Variants in MYOM2 observed in about 807,000 individuals in gnomAD.
MYOM2 encodes the protein myomesin-2.
In MYOM2, 254 loss-of-function variants were observed where a neutral mutation model predicts 187.6. That is an observed-to-expected ratio of 1.35 (90% CI 1.22 to 1.50). MYOM2 has a LOEUF of 1.50. MYOM2 is among the 40% of genes most tolerant of loss of function. MYOM2 has a pLI of 0.00. For synonymous variants in MYOM2, 981 were observed against 753.8 expected (o/e 1.30, Z -4.94); for missense variants, 2,796 against 1,924.0 (o/e 1.45, Z -8.48).
intron 3 of MYOM2, among the ~76,000 whole-genome samples, chr8:2,056,586 T>C (rs4875925): frequency 0.77 from 116,599 of 152,072 alleles, 45,136 homozygotes; most frequent in East Asian, 0.97. Flanking sequence ...TTATTTTTAG[T>C]ATTCAGACAT....
At chr8:2,131,887 C>T (rs907352367) in intron 32 of MYOM2, among the ~76,000 whole-genome samples, 1 of 152,128 alleles carries the variant, frequency 6.6e-6, no homozygotes, top group South Asian at 2.1e-4. Context: ...TCGTGATCCA[C>T]CCACCTGGGC....
chr8:2,125,674 C>T (rs1331676406), intron 31 of MYOM2, among the ~76,000 whole-genome samples: 1 of 120,632 alleles, frequency 8.3e-6, no homozygotes, highest in Non-Finnish European at 1.6e-5. Flanking sequence ...GTGGGTGAAT[C>T]TCGGCTCACT....
At chr8:2,143,511 A>G in intron 36 of MYOM2, 55 bp downstream of exon 36, 1 of 1,603,900 alleles carries the variant, frequency 6.2e-7, no homozygotes, top group Non-Finnish European at 8.5e-7. Context: ...CGATGGACGC[A>G]ACCCCTTCTC....
At position 2,106,376 on chromosome 8, in the gene MYOM2, A is replaced by G. The variant is rs773849428; in HGVS notation, c.2869A>G (p.Lys957Glu). The G allele has an allele frequency of 5.0e-6, 8 of 1,614,012 alleles. No homozygotes were observed. In the African/African-American group the frequency reaches 1.1e-4, roughly 22 times the overall value. ...YEEISDDERF[K>E]IETVGDHSKL... is the part of the protein sequence containing the mutation. ...GGAGATTTCAGATGATGAGAGGTTT[A>G]AAATTGAAACCGTGGGGGATCAGTA... is the stretch of plus-strand genomic sequence containing the variant. The change falls in exon 22 of 37, where the codon AAA (lysine) becomes GAA (glutamate). Residue 957 changes from lysine (K) to glutamate (E), a missense_variant. Transcript: ENST00000262113.
intron 27 of MYOM2, among the ~76,000 whole-genome samples, chr8:2,117,200 T>C (rs1196353465): frequency 2.0e-5 from 3 of 152,268 alleles, no homozygotes; most frequent in African/African-American, 7.2e-5. Flanking sequence ...ATATTTTACT[T>C]ACTTCTACAT....
rs368565089 is a variant in MYOM2 at position 2,072,488 on chromosome 8, C to T, written c.937C>T (p.Arg313Cys). Residue 313 changes from arginine (R) to cysteine (C), a missense_variant, in exon 9 of 37, where the codon CGC becomes TGC. Physicochemically the swap from Arg to Cys is radical, Grantham distance 180. Coordinates refer to ENST00000262113, the MANE Select transcript of MYOM2 (RefSeq NM_003970.4). ...GCCGGACCTGAAGCGGGTGCAGCCG[C>T]GCGCCGAGTGGTACCGCGATGGTGA... is the stretch of plus-strand genomic sequence containing the variant. ...VTPDLKRVQPRAEWYRDDVLL... is the reference protein window; with the variant it reads ...VTPDLKRVQPCAEWYRDDVLL... 4.7e-5 allele frequency: 76 copies of T among 1,613,554 alleles called. No individual in the cohort carries two copies. The highest frequency in any genetic ancestry group is 5.8e-5 in the Non-Finnish European group (69 of 1,180,024).
At chr8:2,087,964 A>G (rs1178517449) in intron 14 of MYOM2, among the ~76,000 whole-genome samples, 1 of 152,192 alleles carries the variant, frequency 6.6e-6, no homozygotes, top group Non-Finnish European at 1.5e-5. Context: ...TTTTAGAGAG[A>G]GGACTCCACC....
rs146840686 is a variant in MYOM2, at chr8:2,058,049, C to T, written c.560+269C>T. Among the ~76,000 whole-genome samples the T allele has an allele frequency of 1.1e-4, 12 of 107,820 alleles. No homozygotes were observed. The East Asian group carries it at 1.9e-3, about 17-fold the overall frequency. The allele number at this position is 107,820 out of a possible 152,430, so 70.7% of individuals were successfully genotyped here. A position where few individuals can be genotyped will look rare whatever the true frequency, so the allele number is the denominator to read the frequency against. ...TTTTTTTTTTTTTGAGATGGAGTCT[C>T]GCTCTGTTGCCCAGGCTGGAGTGTG... On this transcript the variant is annotated intron_variant, in intron 5 of 36. Coordinates refer to ENST00000262113, the MANE Select transcript of MYOM2 (RefSeq NM_003970.4).
rs1456082645 is a variant in MYOM2, at chr8:2,073,451, C to T, written c.1071C>T (p.Ile357=). 5.6e-6 allele frequency: 9 copies of T among 1,611,380 alleles called. No homozygotes were observed. The highest frequency in any genetic ancestry group is 4.5e-5 in the East Asian group (2 of 44,866). The change falls in exon 10 of 37, where the codon ATC becomes ATT. Residue 357 remains isoleucine (I), a synonymous_variant. Coordinates refer to ENST00000262113, the MANE Select transcript of MYOM2 (RefSeq NM_003970.4). ...KDDEGLYTLR[I]VSRGGVSDHS... is the part of the protein sequence containing the mutation. ...ACGAGGGCCTGTACACCCTGCGCAT[C>T]GTGTCTCGGGGCGGCGTCAGCGACC...
chr8:2,057,519 G>A, intron 4 of MYOM2, 33 bp downstream of exon 4: 1 of 1,613,662 alleles, frequency 6.2e-7, no homozygotes, highest in South Asian at 1.1e-5. Flanking sequence ...GGGTGTCTGG[G>A]AAGCGTGGAC....
At chr8:2,135,640 T>C (rs189937484) in intron 32 of MYOM2, among the ~76,000 whole-genome samples, 1 of 152,366 alleles carries the variant, frequency 6.6e-6, no homozygotes, top group Non-Finnish European at 1.5e-5. Context: ...TATATTAATG[T>C]GAACCATTTT....
intron 3 of MYOM2, among the ~76,000 whole-genome samples, chr8:2,053,189 A>T (rs1336089787): frequency 6.6e-6 from 1 of 152,260 alleles, no homozygotes; most frequent in African/African-American, 2.4e-5. Flanking sequence ...TTTCAGAAAG[A>T]TGAAGTCATC....
At chr8:2,084,474 C>A (rs113046436) in intron 13 of MYOM2, among the ~76,000 whole-genome samples, 2 of 152,164 alleles carry the variant, frequency 1.3e-5, no homozygotes, top group African/African-American at 4.8e-5. Context: ...ATGTGCTAAT[C>A]TAATTGAAGG....
At chr8:2,063,613 G>A (rs921908351) in intron 6 of MYOM2, among the ~76,000 whole-genome samples, 3 of 152,092 alleles carry the variant, frequency 2.0e-5, no homozygotes, top group Non-Finnish European at 2.9e-5. Context: ...AGGGTGAAAC[G>A]TTTTTTGTAC....
At chr8:2,094,645 C>G (rs897538637) in intron 17 of MYOM2, among the ~76,000 whole-genome samples, 1 of 152,166 alleles carries the variant, frequency 6.6e-6, no homozygotes, top group Non-Finnish European at 1.5e-5. Flanking sequence ...GAGCAAGACT[C>G]CGTCTCAAAA....
chr8:2,075,241 C>T (rs1370867992), intron 10 of MYOM2, among the ~76,000 whole-genome samples: 3 of 152,140 alleles, frequency 2.0e-5, no homozygotes, highest in Non-Finnish European at 4.4e-5. Context: ...GTTAGGCGGG[C>T]GTTAAATGTC....
Position 2,095,544 on chromosome 8 carries a change from G to T in MYOM2, c.2126-703G>T, listed in dbSNP as rs117956781. On this transcript the variant is annotated intron_variant, in intron 17 of 36. Transcript: ENST00000262113. ...GGAGCTTAAGCAATCCTCCTGCCTC[G>T]GTCTCCCAAAGTGCTGGGACTACAG... Among the ~76,000 whole-genome samples, 771 of 152,080 alleles carry T rather than the reference G, an allele frequency of 5.1e-3. 6 individuals carry two copies. Among genetic ancestry groups the T allele is most frequent in the Non-Finnish European group, 8.8e-3 (597 of 67,982 alleles).
rs373914416 is a variant in MYOM2, at chr8:2,077,266, C to G, written c.1262+984C>G. ...CGGTGGTTGCAGTGAGCCAAGATTG[C>G]GCCACTGGACTCCAGCCTGGCAACA... On this transcript the variant is annotated intron_variant, in intron 11 of 36. Coordinates refer to ENST00000262113, the MANE Select transcript of MYOM2 (RefSeq NM_003970.4). Among the ~76,000 whole-genome samples, 72 of 151,858 alleles carry G rather than the reference C, an allele frequency of 4.7e-4. 1 individual carries two copies. Among genetic ancestry groups the G allele is most frequent in the African/African-American group, 1.7e-3 (70 of 41,368 alleles).
chr8:2,123,538 ATG>A lies in MYOM2; in HGVS notation c.3568-13_3568-12del. The A allele has an allele frequency of 6.2e-7, 1 of 1,605,422 alleles. No homozygotes were observed. ...AGTATTGACTTTACATAAATATGGA[ATG>A]TGTTTTCTTTGTAGTTGTCAAAGAA... On this transcript the variant is annotated splice_polypyrimidine_tract_variant and intron_variant, in intron 29 of 36. Coordinates refer to ENST00000262113, the MANE Select transcript of MYOM2 (RefSeq NM_003970.4).
Sources: allele counts gnomAD v4.1 joint callset (sites outside exome capture counted in the v4.1 genomes callset), GRCh38; gene constraint gnomAD v4.1.1; transcripts MANE v1.5; gene names NCBI Gene and HGNC (gene_info 2026-07-23, HGNC 2026-07-21).